The following MED12L variants were observed in gnomAD, a reference collection of about 807,000 sequenced individuals.
MED12L encodes the protein mediator complex subunit 12L, also known as mediator of RNA polymerase II transcription subunit 12-like protein.
In MED12L, 60 loss-of-function variants were observed where a neutral mutation model predicts 281.3. The observed-to-expected ratio is 0.21, with a 90% CI of 0.17 to 0.26. The LOEUF is 0.26. MED12L is among the 10% of genes least tolerant of loss of function. MED12L has a pLI of 1.00. For missense variants in MED12L, 2,146 were observed against 2,680.9 expected (o/e 0.80, Z 4.41); for synonymous variants, 974 against 987.2 (o/e 0.99, Z 0.25).
At chr3:151,398,631 CT>C (rs1715278414) in intron 39 of MED12L, among the ~76,000 whole-genome samples, 1 of 152,144 alleles carries the variant, frequency 6.6e-6, no homozygotes, top group Admixed American at 6.5e-5. Flanking sequence ...TTCCCTATAG[CT>C]TTAGTGCATA....
intron 16 of MED12L, among the ~76,000 whole-genome samples, chr3:151,342,291 T>G (rs1751955101): frequency 6.6e-6 from 1 of 152,258 alleles, no homozygotes; most frequent in Non-Finnish European, 1.5e-5. Flanking sequence ...ACCTCCCTGG[T>G]GTCTCAAACT....
intron 2 of MED12L, among the ~76,000 whole-genome samples, chr3:151,096,544 C>T (rs900363882): frequency 1.3e-5 from 2 of 152,114 alleles, no homozygotes; most frequent in African/African-American, 4.8e-5. Flanking sequence ...GGGAGCTGAA[C>T]AGCGGCCTCC....
At chr3:151,258,995 T>G (rs1738363686) in intron 16 of MED12L, among the ~76,000 whole-genome samples, 1 of 152,188 alleles carries the variant, frequency 6.6e-6, no homozygotes, top group South Asian at 2.1e-4. Flanking sequence ...TGATAAGTGG[T>G]GCTGCACACA....
chr3:151,357,666 A>G (rs558022592), intron 20 of MED12L, among the ~76,000 whole-genome samples: 1 of 152,346 alleles, frequency 6.6e-6, no homozygotes, highest in South Asian at 2.1e-4. Flanking sequence ...AATGTTGGCC[A>G]GCATCCTGGC....
At chr3:151,247,522 A>G (rs2149426297) in intron 16 of MED12L, among the ~76,000 whole-genome samples, 1 of 150,734 alleles carries the variant, frequency 6.6e-6, no homozygotes, top group South Asian at 2.1e-4. Flanking sequence ...ACAAAAAACC[A>G]AACACTGCAT....
At position 151,357,285 on chromosome 3, in the gene MED12L, A is replaced by G. The variant is rs774039440; in HGVS notation, c.2734A>G (p.Thr912Ala). The change falls in exon 20 of 45, where the codon ACA becomes GCA. Residue 912 changes from threonine (T) to alanine (A), a missense_variant. Around this residue, in one of 9 missense-constraint regions of MED12L, gnomAD observed 404 missense variants for 603.5 expected, o/e 0.67. Coordinates refer to ENST00000687756, the MANE Select transcript of MED12L (RefSeq NM_001393769.1). ...CTCCAGCCTGGCAGGAAGTTATACAACAGGACTGTGTGTCTGCATCGTGGC... is the reference window on the plus strand; with the variant it reads ...CTCCAGCCTGGCAGGAAGTTATACAGCAGGACTGTGTGTCTGCATCGTGGC... ...KSSSLAGSYTTGLCVCIVAVL... is the reference protein window; with the variant it reads ...KSSSLAGSYTAGLCVCIVAVL... 30 of 1,613,706 alleles carry G rather than the reference A, an allele frequency of 1.9e-5. 1 individual carries two copies. In the South Asian group the frequency reaches 2.9e-4, roughly 15 times the overall value.
At chr3:151,375,979 A>G in intron 27 of MED12L, 47 bp from the exon 28 acceptor site, 1 of 1,060,708 alleles carries the variant, frequency 9.4e-7, no homozygotes. Context: ...GCATATATAT[A>G]TACCGAAAGC....
chr3:151,333,753 A>G (rs1750616405), intron 16 of MED12L, among the ~76,000 whole-genome samples: 1 of 152,198 alleles, frequency 6.6e-6, no homozygotes, highest in African/African-American at 2.4e-5. Flanking sequence ...ATAGTTTTCC[A>G]GAAAGATTGT....
chr3:151,153,562 T>C (rs1223860208), intron 5 of MED12L, among the ~76,000 whole-genome samples: 1 of 131,322 alleles, frequency 7.6e-6, no homozygotes, highest in Non-Finnish European at 1.5e-5. Context: ...TCTGTTTTCT[T>C]TCTTTTTTTT....
intron 16 of MED12L, chr3:151,294,008 CTT>C (rs1170772272): frequency 3.3e-6 from 2 of 613,344 alleles, no homozygotes; most frequent in African/African-American, 3.7e-5. Context: ...TTGTTTATCT[CTT>C]TGCTATGCTT....
At chr3:151,422,121 C>T (rs1000101041) in intron 43 of MED12L, among the ~76,000 whole-genome samples, 4 of 152,064 alleles carry the variant, frequency 2.6e-5, no homozygotes, top group Non-Finnish European at 5.9e-5. Flanking sequence ...TGTTATAGAG[C>T]GTGCCAGTGA....
chr3:151,394,665 G>C lies in MED12L; in HGVS notation c.5618G>C (p.Arg1873Thr), dbSNP rs756200072. ...QNQSLTPGGS[R>T]LDPAGSFVPT... ...TTGGTTGCTTTTGTAGGTGGCTCCAGATTGGACCCTGCAGGCTCCTTTGTC... is the reference window on the plus strand; with the variant it reads ...TTGGTTGCTTTTGTAGGTGGCTCCACATTGGACCCTGCAGGCTCCTTTGTC... The change falls in exon 39 of 45, where the codon AGA becomes ACA. Residue 1873 changes from arginine (R) to threonine (T), a missense_variant. Coordinates refer to ENST00000687756, the MANE Select transcript of MED12L (RefSeq NM_001393769.1). 7 of 1,614,148 alleles carry C rather than the reference G, an allele frequency of 4.3e-6. No individual in the cohort carries two copies. In the Admixed American group the frequency reaches 1.2e-4, roughly 27 times the overall value.
Position 151,122,890 on chromosome 3 carries a change from G to T in MED12L, c.312G>T (p.Leu104=), listed in dbSNP as rs2148776045. 6.2e-7 allele frequency: 1 copy of T among 1,612,578 alleles called. No homozygotes were observed. Among genetic ancestry groups the T allele is most frequent in the South Asian group, 1.1e-5 (1 of 90,782 alleles). The change falls in exon 4 of 45, where the codon CTG becomes CTT. Residue 104 remains leucine, a synonymous_variant. Transcript: ENST00000687756. ...PQVNAKDNYW[L]VTARSQSAIH... The stretch of plus-strand genomic sequence containing the variant: ...TTAATGCTAAAGATAATTATTGGCT[G>T]GTTACTGCTCGATCCCAGAGTGCAA...
intron 17 of MED12L, among the ~76,000 whole-genome samples, chr3:151,353,012 TTTC>T (rs1294106365): frequency 6.6e-6 from 1 of 152,196 alleles, no homozygotes; most frequent in East Asian, 1.9e-4. Context: ...TCACCACTGA[TTTC>T]TTACATTTTG....
At chr3:151,345,517 C>CTTTTTTTTTTTTTTTTTT (rs201731496) in intron 16 of MED12L, among the ~76,000 whole-genome samples, 2 of 131,644 alleles carry the variant, frequency 1.5e-5, no homozygotes, top group Non-Finnish European at 3.3e-5. Flanking sequence ...TTTTCTTTTT[C>CTTTTTTTTTTTTTTTTTT]TTTTTTTTTT....
At chr3:151,249,524 A>C (rs1425864253) in intron 16 of MED12L, among the ~76,000 whole-genome samples, 1 of 152,064 alleles carries the variant, frequency 6.6e-6, no homozygotes, top group East Asian at 1.9e-4. Context: ...GAGATATTGA[A>C]AGGACCCCAA....
intron 17 of MED12L, among the ~76,000 whole-genome samples, chr3:151,353,378 C>A (rs1252564115): frequency 6.6e-6 from 1 of 152,174 alleles, no homozygotes; most frequent in Non-Finnish European, 1.5e-5. Context: ...AAATTTCATA[C>A]ATAATTTGTA....
chr3:151,308,471 T>C (rs1747012866), intron 16 of MED12L, among the ~76,000 whole-genome samples: 1 of 152,140 alleles, frequency 6.6e-6, no homozygotes, highest in Admixed American at 6.5e-5. Context: ...GTAGCCAACA[T>C]AGTGGTTTTA....
At chr3:151,364,088 T>C (rs1269762688) in intron 21 of MED12L, among the ~76,000 whole-genome samples, 1 of 152,178 alleles carries the variant, frequency 6.6e-6, no homozygotes, top group Non-Finnish European at 1.5e-5. Flanking sequence ...TTCTGATGCA[T>C]AAAAGAGCTT....
Sources: allele counts gnomAD v4.1 joint callset (sites outside exome capture counted in the v4.1 genomes callset), GRCh38; gene constraint gnomAD v4.1.1; regional missense constraint gnomAD v4.1.1; transcripts MANE v1.5; gene names NCBI Gene and HGNC (gene_info 2026-07-23, HGNC 2026-07-21).